Variants in ZDHHC17 observed in about 807,000 individuals in gnomAD.
ZDHHC17 encodes the protein zDHHC palmitoyltransferase 17.
In ZDHHC17, 40 loss-of-function variants were observed where a neutral mutation model predicts 90.3. That is an observed-to-expected ratio of 0.44 (90% CI 0.34 to 0.58). The LOEUF is 0.58. Ranked by LOEUF, ZDHHC17 falls within the 20% of genes least tolerant of loss-of-function variation. The pLI is 0.01. For synonymous variants in ZDHHC17, 235 were observed against 252.4 expected, an observed-to-expected ratio of 0.93 and a Z score of 0.65; for missense variants, 614 against 780.8, an observed-to-expected ratio of 0.79 and a Z score of 2.55.
chr12:76,843,508 A>C (rs1447623960), intron 12 of ZDHHC17, among the ~76,000 whole-genome samples: 1 of 151,932 alleles, frequency 6.6e-6, no homozygotes, highest in African/African-American at 2.4e-5. Flanking sequence ...GGTCATCCTC[A>C]TCCAGGTCAT....
chr12:76,802,236 A>G lies in ZDHHC17; in HGVS notation c.198-3081A>G, dbSNP rs556686425. 2.6e-5 allele frequency among the ~76,000 whole-genome samples: 4 copies of G among 152,212 alleles called. No individual in the cohort carries two copies. In the East Asian group the frequency reaches 7.7e-4, roughly 29 times the overall value. Reference sequence around the variant, plus strand: ...GCTGAATATAGGATTTTTGGTTGGCATTGGTTTTCTTTTAGCGCTTTGGAT... The same window carrying G: ...GCTGAATATAGGATTTTTGGTTGGCGTTGGTTTTCTTTTAGCGCTTTGGAT... On this transcript the variant is annotated intron_variant, in intron 2 of 16. Transcript: ENST00000426126.
chr12:76,851,099 G>T lies in ZDHHC17; in HGVS notation c.*114G>T. 3.1e-6 allele frequency: 4 copies of T among 1,293,278 alleles called. No homozygotes were observed. The highest frequency in any genetic ancestry group is 2.6e-5 in the East Asian group (1 of 38,724). The allele number at this position is 1,293,278 out of a possible 1,614,324, so 80.1% of individuals were successfully genotyped here. On this transcript the variant is annotated 3_prime_UTR_variant, in exon 17 of 17. Transcript: ENST00000426126. Reference sequence around the variant, plus strand: ...TGAACAAGAGCATGCTATGTGTAGGGCTAATGGTGAATTTTACAGTCTTTT... The same window carrying T: ...TGAACAAGAGCATGCTATGTGTAGGTCTAATGGTGAATTTTACAGTCTTTT...
chr12:76,771,930 G>A (rs941435016), intron 1 of ZDHHC17, among the ~76,000 whole-genome samples: 2 of 152,152 alleles, frequency 1.3e-5, no homozygotes, highest in Admixed American at 6.5e-5. Context: ...AACCTGAGCT[G>A]AGAATGCCAC....
intron 11 of ZDHHC17, among the ~76,000 whole-genome samples, 178 bp downstream of exon 11, chr12:76,842,284 A>G (rs1038997329): frequency 3.9e-5 from 6 of 152,216 alleles, no homozygotes; most frequent in African/African-American, 1.4e-4. Context: ...ATGCCTGTCC[A>G]TAACACTTCC....
chr12:76,811,850 G>A (rs1311915739), intron 5 of ZDHHC17, among the ~76,000 whole-genome samples: 1 of 152,046 alleles, frequency 6.6e-6, no homozygotes, highest in Non-Finnish European at 1.5e-5. Flanking sequence ...AATCCAAAAC[G>A]TTTTGAGTGT....
chr12:76,837,263 G>A (rs1261991834), intron 10 of ZDHHC17, among the ~76,000 whole-genome samples: 1 of 152,064 alleles, frequency 6.6e-6, no homozygotes, highest in Non-Finnish European at 1.5e-5. Context: ...AGACTCTCAA[G>A]TAGCTAGGAT....
intron 1 of ZDHHC17, among the ~76,000 whole-genome samples, chr12:76,766,089 C>G (rs1952427598): frequency 6.6e-6 from 1 of 152,184 alleles, no homozygotes; most frequent in South Asian, 2.1e-4. Context: ...ATAATTTTAA[C>G]TGGCAACAAA....
chr12:76,778,832 T>A (rs1170135841), intron 1 of ZDHHC17, among the ~76,000 whole-genome samples: 1 of 152,230 alleles, frequency 6.6e-6, no homozygotes, highest in East Asian at 1.9e-4. Flanking sequence ...ACTGGGTGAC[T>A]TAAACAATGG....
intron 2 of ZDHHC17, among the ~76,000 whole-genome samples, chr12:76,801,816 A>AT (rs1039465954): frequency 1.3e-5 from 2 of 152,192 alleles, no homozygotes; most frequent in Non-Finnish European, 2.9e-5. Context: ...TATACATTGT[A>AT]TTTCCAACAG....
In ZDHHC17 at chr12:76,849,337, A is replaced by AAAC. The variant is rs1565811729; in HGVS notation, c.1666-37_1666-36insCAA. 5.3e-6 allele frequency: 6 copies of AAAC among 1,127,932 alleles called. No homozygotes were observed. In the East Asian group the frequency reaches 1.1e-4, roughly 20 times the overall value. The allele number at this position is 1,127,932 out of a possible 1,614,324, so 69.9% of individuals were successfully genotyped here. On this transcript the variant is annotated intron_variant, in intron 15 of 16. Coordinates refer to ENST00000426126, the MANE Select transcript of ZDHHC17 (RefSeq NM_015336.4). Reference sequence around the variant, plus strand: ...AGGTCCTGTCTCAAAAAAAAAAAAAAAAAACAAGAATAATGGTTTGCTTTT... The same window carrying AAAC: ...AGGTCCTGTCTCAAAAAAAAAAAAAAAACAAAACAAGAATAATGGTTTGCTTTT...
intron 1 of ZDHHC17, chr12:76,764,916 C>G: frequency 2.2e-6 from 1 of 453,198 alleles, no homozygotes; most frequent in Non-Finnish European, 4.4e-6. Flanking sequence ...TGGGAATAGA[C>G]TTACACTCAC....
At chr12:76,767,585 AT>A (rs1260501504) in intron 1 of ZDHHC17, among the ~76,000 whole-genome samples, 1 of 152,160 alleles carries the variant, frequency 6.6e-6, no homozygotes, top group Non-Finnish European at 1.5e-5. Flanking sequence ...ACTTCAGGAT[AT>A]TTTTGGTGTT....
At chr12:76,817,897 A>G (rs1186648020) in intron 7 of ZDHHC17, among the ~76,000 whole-genome samples, 1 of 152,186 alleles carries the variant, frequency 6.6e-6, no homozygotes, top group Non-Finnish European at 1.5e-5. Flanking sequence ...AATGAAATAG[A>G]ATGTAACTTC....
intron 1 of ZDHHC17, among the ~76,000 whole-genome samples, chr12:76,765,160 G>A (rs1021897348): frequency 1.3e-5 from 2 of 152,236 alleles, no homozygotes; most frequent in African/African-American, 4.8e-5. Flanking sequence ...GTATGCGGCA[G>A]CGGCACAGTT....
intron 3 of ZDHHC17, among the ~76,000 whole-genome samples, 152 bp from the exon 4 acceptor site, chr12:76,808,891 G>GT (rs1952987076): frequency 6.6e-6 from 1 of 151,252 alleles, no homozygotes; most frequent in African/African-American, 2.4e-5. Context: ...TGCTAAATAT[G>GT]TTTTTTAAAC....
intron 1 of ZDHHC17, among the ~76,000 whole-genome samples, chr12:76,781,408 A>G (rs1479317133): frequency 6.6e-6 from 1 of 152,192 alleles, no homozygotes; most frequent in East Asian, 1.9e-4. Flanking sequence ...TCTAAAACTT[A>G]TGTTGAAAGT....
At chr12:76,769,830 A>G (rs1310512415) in intron 1 of ZDHHC17, among the ~76,000 whole-genome samples, 1 of 152,210 alleles carries the variant, frequency 6.6e-6, no homozygotes, top group Non-Finnish European at 1.5e-5. Flanking sequence ...GCTCAAAGCC[A>G]GAGTTGAAAA....
rs576466908 is a variant in ZDHHC17 at position 76,815,089 on chromosome 12, A to G, written c.544-57A>G. ...ATATAGATTAGATTTTTCCAAGCAA[A>G]TTTGGTTAGGAACTTATAATTTAAC... is the stretch of plus-strand genomic sequence containing the variant. On this transcript the variant is annotated intron_variant, in intron 5 of 16. Transcript: ENST00000426126. 1.6e-5 allele frequency: 21 copies of G among 1,317,044 alleles called. No individual in the cohort carries two copies. The African/African-American group carries it at 3.1e-4, about 20-fold the overall frequency. The allele number at this position is 1,317,044 out of a possible 1,614,324, so 81.6% of individuals were successfully genotyped here. A position where few individuals can be genotyped will look rare whatever the true frequency, so the allele number is the denominator to read the frequency against.
intron 1 of ZDHHC17, among the ~76,000 whole-genome samples, chr12:76,784,021 C>T (rs1316360234): frequency 3.3e-5 from 5 of 152,210 alleles, no homozygotes; most frequent in Non-Finnish European, 4.4e-5. Context: ...TGATGATTTT[C>T]GACTTCTGAC....
Sources: allele counts gnomAD v4.1 joint callset (sites outside exome capture counted in the v4.1 genomes callset), GRCh38; gene constraint gnomAD v4.1.1; transcripts MANE v1.5; gene names NCBI Gene and HGNC (gene_info 2026-07-23, HGNC 2026-07-21).